The following ERC1 variants were observed in gnomAD, a reference collection of about 807,000 sequenced individuals.
ERC1 encodes the protein RAB6 interacting protein 2.
ERC1 carries 56 observed loss-of-function variants against 132.0 expected under a neutral mutation model. That is an observed-to-expected ratio of 0.42 (90% CI 0.34 to 0.53). The LOEUF is 0.53. Among genes scored for constraint, ERC1 ranks in the 20% least tolerant of loss-of-function variants. ERC1 has a pLI of 0.03. For synonymous variants in ERC1, 478 were observed against 476.1 expected (o/e 1.00, Z -0.05); for missense variants, 1,202 against 1,349.9 (o/e 0.89, Z 1.72).
At chr12:990,733 G>A (rs1303612186), upstream of ERC1, 5 of 152,238 alleles carry the variant, frequency 3.3e-5, no homozygotes, top group Admixed American at 3.3e-4. Flanking sequence ...GTCGATCCCG[G>A]CGCTGCTCCC....
At chr12:1,413,553 C>T (rs1371187352) in intron 17 of ERC1, among the ~76,000 whole-genome samples, 1 of 151,966 alleles carries the variant, frequency 6.6e-6, no homozygotes, top group Non-Finnish European at 1.5e-5. Context: ...AAGATCGCAC[C>T]ACTGCACTGC....
chr12:1,188,343 G>A (rs896915493), intron 11 of ERC1, among the ~76,000 whole-genome samples: 1 of 151,948 alleles, frequency 6.6e-6, no homozygotes, highest in African/African-American at 2.4e-5. Context: ...TACTCCTTAT[G>A]GTCTTCTTCC....
At chr12:1,327,231 T>G (rs567964520) in intron 15 of ERC1, among the ~76,000 whole-genome samples, 2 of 149,690 alleles carry the variant, frequency 1.3e-5, no homozygotes, top group Admixed American at 6.6e-5. Flanking sequence ...GACATTTCTA[T>G]TAAAGTCATG....
At chr12:1,385,206 A>G (rs2089178412) in intron 16 of ERC1, among the ~76,000 whole-genome samples, 1 of 152,172 alleles carries the variant, frequency 6.6e-6, no homozygotes, top group African/African-American at 2.4e-5. Context: ...TCTTAATTTC[A>G]ATTTCTGCTA....
At chr12:1,439,499 A>C (rs960794132) in intron 17 of ERC1, among the ~76,000 whole-genome samples, 3 of 152,198 alleles carry the variant, frequency 2.0e-5, no homozygotes, top group Non-Finnish European at 4.4e-5. Flanking sequence ...CTTAACCAAA[A>C]ATGTCTCATC....
chr12:1,479,776 G>A (rs187575147), intron 18 of ERC1, among the ~76,000 whole-genome samples: 5 of 152,242 alleles, frequency 3.3e-5, no homozygotes, highest in East Asian at 1.9e-4. Context: ...CTCCTGAGGC[G>A]TGTGGAACCC....
upstream of ERC1, chr12:991,127 A>C (rs922173236): frequency 6.6e-6 from 1 of 150,884 alleles, no homozygotes; most frequent in Admixed American, 6.6e-5. Flanking sequence ...AAAGGGAGGC[A>C]GCCGAGCCGG....
chr12:1,266,065 A>T (rs2077456581), intron 14 of ERC1, among the ~76,000 whole-genome samples: 1 of 152,174 alleles, frequency 6.6e-6, no homozygotes, highest in African/African-American at 2.4e-5. Context: ...TGGGTAAATA[A>T]CTGTGAGTGT....
At chr12:1,041,293 C>T (rs1032184824) in intron 2 of ERC1, among the ~76,000 whole-genome samples, 17 of 151,682 alleles carry the variant, frequency 1.1e-4, no homozygotes, top group Admixed American at 3.3e-4. Context: ...CTGCAGCCTC[C>T]GCCTCCCGGG....
At chr12:1,404,588 A>G (rs1268610454) in intron 16 of ERC1, among the ~76,000 whole-genome samples, 1 of 152,170 alleles carries the variant, frequency 6.6e-6, no homozygotes, top group Non-Finnish European at 1.5e-5. Flanking sequence ...AGAACTAGAT[A>G]TTTACATCTC....
chr12:1,264,985 T>TC (rs1321375111), intron 14 of ERC1, among the ~76,000 whole-genome samples: 2 of 152,176 alleles, frequency 1.3e-5, no homozygotes, highest in Non-Finnish European at 2.9e-5. Flanking sequence ...AAGACCAACC[T>TC]CATTGGCAAA....
chr12:1,033,495 T>G (rs1222824316), intron 2 of ERC1, among the ~76,000 whole-genome samples: 1 of 147,648 alleles, frequency 6.8e-6, no homozygotes. Flanking sequence ...AGCTGGAGTC[T>G]CAGTGTTGCC....
intron 15 of ERC1, among the ~76,000 whole-genome samples, chr12:1,313,877 G>A (rs766568671): frequency 8.6e-5 from 13 of 152,016 alleles, no homozygotes; most frequent in African/African-American, 1.2e-4. Context: ...CCAGCTACTC[G>A]GGAGGCTGAG....
At chr12:1,354,458 G>C (rs764663444) in intron 15 of ERC1, among the ~76,000 whole-genome samples, 10 of 152,032 alleles carry the variant, frequency 6.6e-5, no homozygotes, top group Admixed American at 2.0e-4. Flanking sequence ...GGGAGGCAGG[G>C]GTTTCAGTGA....
chr12:1,424,864 C>CTAGCTAGATA (rs2092577951), intron 17 of ERC1, among the ~76,000 whole-genome samples: 1 of 100,950 alleles, frequency 9.9e-6, no homozygotes, highest in African/African-American at 3.8e-5. Flanking sequence ...ATAGATAGAT[C>CTAGCTAGATA]GATAGATAGA....
intron 2 of ERC1, among the ~76,000 whole-genome samples, chr12:1,079,051 CAA>C (rs377349789): frequency 0.011 from 1,590 of 141,594 alleles, 9 homozygotes; most frequent in African/African-American, 0.026. Flanking sequence ...TGTAATATGA[CAA>C]AAGTCGATAT....
At chr12:1,240,776 G>A (rs1245586177) in intron 13 of ERC1, among the ~76,000 whole-genome samples, 1 of 151,700 alleles carries the variant, frequency 6.6e-6, no homozygotes, top group Non-Finnish European at 1.5e-5. Flanking sequence ...ATATATATTT[G>A]TTTATATCCC....
chr12:992,874 G>A (rs749072254), intron 1 of ERC1, among the ~76,000 whole-genome samples: 2 of 152,220 alleles, frequency 1.3e-5, no homozygotes, highest in Non-Finnish European at 2.9e-5. Flanking sequence ...TGGAGGAAGA[G>A]AAGCTGTCAG....
At chr12:1,219,024 C>A (rs1055195196) in intron 12 of ERC1, among the ~76,000 whole-genome samples, 16 of 151,992 alleles carry the variant, frequency 1.1e-4, no homozygotes, top group African/African-American at 3.6e-4. Flanking sequence ...AGGCATGCAC[C>A]ACCACGCCTG....
Sources: allele counts gnomAD v4.1 joint callset (sites outside exome capture counted in the v4.1 genomes callset), GRCh38; gene constraint gnomAD v4.1.1; transcripts MANE v1.5; gene names NCBI Gene and HGNC (gene_info 2026-07-23, HGNC 2026-07-21).